Variants in WAPL observed in about 807,000 individuals in gnomAD.
WAPL encodes wings apart-like protein homolog.
In WAPL, 5 loss-of-function variants were observed where a neutral mutation model predicts 121.0. The ratio of observed to expected loss-of-function variants is 0.04; its 90% CI spans 0.02 to 0.09. WAPL has a LOEUF of 0.09. WAPL is among the 10% of genes least tolerant of loss of function. The pLI, the probability that WAPL is intolerant of heterozygous loss-of-function variation, is 1.00. For synonymous variants in WAPL, 480 were observed against 481.5 expected, an observed-to-expected ratio of 1.00 and a Z score of 0.04; for missense variants, 999 against 1,410.8, an observed-to-expected ratio of 0.71 and a Z score of 4.68.
chr10:86,483,481 ATGAC>A (rs1228834785), intron 4 of WAPL, among the ~76,000 whole-genome samples: 1 of 152,176 alleles, frequency 6.6e-6, no homozygotes, highest in Non-Finnish European at 1.5e-5. Flanking sequence ...TTGACAATGA[ATGAC>A]TATTAACAAT....
intron 17 of WAPL, among the ~76,000 whole-genome samples, chr10:86,441,251 C>G (rs1404416794): frequency 6.6e-6 from 1 of 152,190 alleles, no homozygotes; most frequent in African/African-American, 2.4e-5. Context: ...CTGCTGGACC[C>G]TTCTTCAACA....
chr10:86,479,859 A>G (rs1471392991), intron 4 of WAPL, among the ~76,000 whole-genome samples: 1 of 152,234 alleles, frequency 6.6e-6, no homozygotes, highest in African/African-American at 2.4e-5. Context: ...AAATTTCTTT[A>G]AAGGATTTAT....
intron 8 of WAPL, among the ~76,000 whole-genome samples, chr10:86,468,687 G>A (rs1007992002): frequency 1.3e-5 from 2 of 152,116 alleles, no homozygotes; most frequent in South Asian, 4.1e-4. Context: ...CCAATCGCCA[G>A]GCGTGGTGGC....
intron 12 of WAPL, among the ~76,000 whole-genome samples, chr10:86,456,548 C>CT (rs1841151231): frequency 1.3e-5 from 2 of 152,188 alleles, no homozygotes; most frequent in African/African-American, 4.8e-5. Context: ...TAAGCTCACT[C>CT]TGTCAGTTGA....
At chr10:86,515,864 CTTTTT>C (rs377683656) in intron 2 of WAPL, among the ~76,000 whole-genome samples, 3 of 101,148 alleles carry the variant, frequency 3.0e-5, no homozygotes, top group African/African-American at 1.2e-4. Flanking sequence ...CTGTCTATGC[CTTTTT>C]TTTTTTTTTT....
Position 86,500,056 on chromosome 10 carries a change from C to A in WAPL, c.1187G>T (p.Gly396Val). ...ASTPADLGEA[G>V]RLRKKADIAT... is the part of the protein sequence containing the mutation. ...AATATCTGCCTTTTTTCTGAGACGA[C>A]CAGCTTCTCCCAAATCTGCAGGAGT... is the stretch of plus-strand genomic sequence containing the variant. Residue 396 changes from glycine (G) to valine (V), a missense_variant, in exon 3 of 19, where the codon GGT becomes GTT. By Grantham distance (109) the Gly-to-Val change is moderately radical. Transcript: ENST00000298767. 6.2e-7 allele frequency: 1 copy of A among 1,614,072 alleles called. No homozygotes were observed. The highest frequency in any genetic ancestry group is 8.5e-7 in the Non-Finnish European group (1 of 1,180,022).
chr10:86,513,044 G>GT (rs1226144385), intron 2 of WAPL, among the ~76,000 whole-genome samples: 1 of 152,158 alleles, frequency 6.6e-6, no homozygotes, highest in Middle Eastern at 3.4e-3. Flanking sequence ...GTTTTGCGGG[G>GT]TTTTTTTGTT....
rs1337588165 is a variant in WAPL at position 86,435,971 on chromosome 10, GGTTCCCAC to G, written c.*1564_*1571del. 2.6e-5 allele frequency: 4 copies of G among 152,276 alleles called. No homozygotes were observed. The highest frequency in any genetic ancestry group is 5.9e-5 in the Non-Finnish European group (4 of 68,014). The allele number at this position is 152,276 out of a possible 1,614,324, so 9.4% of individuals were successfully genotyped here. A position where few individuals can be genotyped will look rare whatever the true frequency, so the allele number is the denominator to read the frequency against. On this transcript the variant is annotated 3_prime_UTR_variant, in exon 19 of 19. Coordinates refer to ENST00000298767, the MANE Select transcript of WAPL (RefSeq NM_015045.5). The stretch of plus-strand genomic sequence containing the variant: ...TACTCAGGGCAAATACAATCTCAAT[GGTTCCCAC>G]GTTACACTGGCGTACTATGTTCTTA...
chr10:86,447,085 A>G lies in WAPL; in HGVS notation c.3115-636T>C, dbSNP rs908787428. 7.1e-4 allele frequency among the ~76,000 whole-genome samples: 108 copies of G among 152,222 alleles called. 4 individuals are homozygous for G. Among genetic ancestry groups the G allele is most frequent in the Non-Finnish European group, 1.5e-5 (1 of 68,040 alleles). ...CTATCAGGGAGTAAAGGAGGTCAAA[A>G]TTACACTCATACTACTACTAAGGGG... On this transcript the variant is annotated intron_variant, in intron 15 of 18. Coordinates refer to ENST00000298767, the MANE Select transcript of WAPL (RefSeq NM_015045.5).
chr10:86,519,887 C>T (rs1401047629), intron 1 of WAPL, among the ~76,000 whole-genome samples: 2 of 152,196 alleles, frequency 1.3e-5, no homozygotes, highest in Non-Finnish European at 2.9e-5. Flanking sequence ...TTTATGCCAA[C>T]ATCAGAAAAA....
At chr10:86,460,051 T>C (rs1841234189) in intron 11 of WAPL, among the ~76,000 whole-genome samples, 2 of 152,206 alleles carry the variant, frequency 1.3e-5, no homozygotes, top group Non-Finnish European at 2.9e-5. Flanking sequence ...AAGCAGAGGT[T>C]GCAGTGAGCT....
At chr10:86,441,120 C>T (rs1161913451) in intron 17 of WAPL, among the ~76,000 whole-genome samples, 4 of 152,146 alleles carry the variant, frequency 2.6e-5, no homozygotes, top group Non-Finnish European at 4.4e-5. Context: ...CCTCAATGCC[C>T]TTGCTCCTAG....
At position 86,512,206 on chromosome 10, in the gene WAPL, G is replaced by C. The variant is rs1331266894; in HGVS notation, c.499+5365C>G. On this transcript the variant is annotated intron_variant, in intron 2 of 18. Transcript: ENST00000298767. ...TTCCCTTTCTAAAAAATCACCTTCA[G>C]TTCTAAATCCAAGTTCAAAATCTCC... Among the ~76,000 whole-genome samples the C allele has an allele frequency of 2.0e-5, 3 of 152,142 alleles. No individual in the cohort carries two copies. The East Asian group carries it at 5.8e-4, about 29-fold the overall frequency.
chr10:86,497,158 A>G (rs376295281), intron 4 of WAPL, 43 bp downstream of exon 4: 7 of 1,478,882 alleles, frequency 4.7e-6, no homozygotes, highest in Non-Finnish European at 6.5e-6. Flanking sequence ...GAGCCCTCCA[A>G]TAACAAATAA....
chr10:86,440,795 T>C (rs1292846050), intron 17 of WAPL, among the ~76,000 whole-genome samples: 1 of 151,586 alleles, frequency 6.6e-6, no homozygotes, highest in African/African-American at 2.4e-5. Flanking sequence ...GAGTGGGCTG[T>C]TGTATTTAGG....
intron 13 of WAPL, 71 bp downstream of exon 13, chr10:86,453,585 G>A: frequency 6.7e-7 from 1 of 1,490,650 alleles, no homozygotes; most frequent in South Asian, 1.4e-5. Context: ...AGGAAAAGGA[G>A]AAACAAAAAT....
At position 86,446,309 on chromosome 10, in the gene WAPL, T is replaced by C; in HGVS notation, c.3255A>G (p.Glu1085=). 6.2e-7 allele frequency: 1 copy of C among 1,614,180 alleles called. No individual in the cohort carries two copies. The highest frequency in any genetic ancestry group is 8.5e-7 in the Non-Finnish European group (1 of 1,180,026). The stretch of plus-strand genomic sequence containing the variant: ...GTTTCTCTTCTGTACCATCAGTCTT[T>C]TCAGTTGACACCCACTGTATTTCTC... The part of the protein sequence containing the change: ...TSGEIQWVST[E]KTDGTEEKHK... The change falls in exon 16 of 19, where the codon GAA becomes GAG. Residue 1085 remains glutamate, a synonymous_variant. Coordinates refer to ENST00000298767, the MANE Select transcript of WAPL (RefSeq NM_015045.5).
At chr10:86,451,106 C>CT (rs1001754126) in intron 15 of WAPL, among the ~76,000 whole-genome samples, 1,450 of 141,482 alleles carry the variant, frequency 0.01, 13 homozygotes, top group Middle Eastern at 0.022. Context: ...GGATTCTTGA[C>CT]TTTTTTTTTT....
intron 10 of WAPL, 50 bp from the exon 11 acceptor site, chr10:86,460,546 C>G (rs769144367): frequency 6.9e-7 from 1 of 1,442,408 alleles, no homozygotes; most frequent in African/African-American, 1.4e-5. Flanking sequence ...CGATACTTAC[C>G]AATAGAATAC....
Sources: gnomAD v4.1 joint callset for allele counts (sites outside exome capture counted in the v4.1 genomes callset) on GRCh38, gnomAD v4.1.1 for gene constraint, MANE v1.5 for transcripts, NCBI Gene and HGNC (gene_info 2026-07-23, HGNC 2026-07-21) for gene names.